Variants in TRPC6 observed in about 807,000 individuals in gnomAD.
The protein encoded by TRPC6 is transient receptor potential cation channel subfamily C member 6.
A neutral mutation model predicts 90.7 loss-of-function variants in TRPC6; 55 were observed. That is an observed-to-expected ratio of 0.61 (90% CI 0.49 to 0.76). TRPC6 has a LOEUF of 0.76. TRPC6 is among the 30% of genes least tolerant of loss of function. TRPC6 has a pLI of 0.00. For missense variants in TRPC6, 989 were observed against 1,122.7 expected (o/e 0.88, Z 1.70); for synonymous variants, 393 against 393.0 (o/e 1.00, Z 0.00).
chr11:101,562,673 T>C (rs1861741491), intron 1 of TRPC6, among the ~76,000 whole-genome samples: 1 of 152,184 alleles, frequency 6.6e-6, no homozygotes, highest in African/African-American at 2.4e-5. Flanking sequence ...AAAGTGCCTT[T>C]GTCCTTCTTT....
At chr11:101,565,393 G>A (rs1320489709) in intron 1 of TRPC6, among the ~76,000 whole-genome samples, 1 of 151,904 alleles carries the variant, frequency 6.6e-6, no homozygotes, top group African/African-American at 2.4e-5. Context: ...ATTTTAAAAA[G>A]GACAAATTTC....
Position 101,583,861 on chromosome 11 carries a change from C to A in TRPC6, c.-358G>T. The A allele has an allele frequency of 4.3e-6, 1 of 232,542 alleles. No individual in the cohort carries two copies. Among genetic ancestry groups the A allele is most frequent in the Non-Finnish European group, 8.3e-6 (1 of 120,944 alleles). 14.4% of individuals were successfully genotyped at this position (232,542 alleles called of 1,614,324 possible). On this transcript the variant is annotated 5_prime_UTR_variant, in exon 1 of 13. Coordinates refer to ENST00000344327, the MANE Select transcript of TRPC6 (RefSeq NM_004621.6). Reference sequence around the variant, plus strand: ...CAAGGGAGACGGAGCTGAAGAGTTACTATGTCAACAGAGACTCTCCAGCCC... The same window carrying A: ...CAAGGGAGACGGAGCTGAAGAGTTAATATGTCAACAGAGACTCTCCAGCCC...
chr11:101,508,730 C>G (rs1287695587), intron 1 of TRPC6, among the ~76,000 whole-genome samples: 2 of 151,976 alleles, frequency 1.3e-5, no homozygotes, highest in African/African-American at 4.8e-5. Context: ...AAAATAGGAT[C>G]AGGGATCTAT....
intron 1 of TRPC6, among the ~76,000 whole-genome samples, chr11:101,572,851 C>T (rs796094211): frequency 9.2e-5 from 14 of 152,056 alleles, no homozygotes; most frequent in African/African-American, 2.9e-4. Context: ...CACACTGGGG[C>T]CTTTCAGGGG....
chr11:101,562,198 G>A (rs1830453177), intron 1 of TRPC6, among the ~76,000 whole-genome samples: 1 of 152,060 alleles, frequency 6.6e-6, no homozygotes, highest in Non-Finnish European at 1.5e-5. Context: ...AAATGGAAGA[G>A]AAAGAGACAT....
rs188277635 is a variant in TRPC6, at chr11:101,475,872, A to C, written c.1744+429T>G. 9.2e-5 allele frequency among the ~76,000 whole-genome samples: 14 copies of C among 151,458 alleles called. 1 individual carries two copies. The highest frequency in any genetic ancestry group is 6.6e-4 in the Admixed American group (10 of 15,216). On this transcript the variant is annotated intron_variant, in intron 6 of 12. Transcript: ENST00000344327. Reference sequence around the variant, plus strand: ...TATATACACACACACACATGTGTGTACATATACATATATACACGTGTGTGC... The same window carrying C: ...TATATACACACACACACATGTGTGTCCATATACATATATACACGTGTGTGC...
chr11:101,570,362 G>A (rs1261900067), intron 1 of TRPC6, among the ~76,000 whole-genome samples: 1 of 152,146 alleles, frequency 6.6e-6, no homozygotes, highest in Admixed American at 6.5e-5. Context: ...AACAAGTTCT[G>A]AAAATAAGGA....
intron 4 of TRPC6, among the ~76,000 whole-genome samples, chr11:101,484,960 CATCT>C (rs538409192): frequency 6.5e-4 from 99 of 152,116 alleles, no homozygotes; most frequent in Non-Finnish European, 1.0e-3. Context: ...TCATCTCAAA[CATCT>C]ATCATTTCTT....
In TRPC6 at chr11:101,504,186, T is replaced by C; in HGVS notation, c.783A>G (p.Lys261=). ...AGTGGCTAAACGAGTCATGCTTCTGTTTCTGGTTGCAGTCATTGCACTTGC... is the reference window on the plus strand; with the variant it reads ...AGTGGCTAAACGAGTCATGCTTCTGCTTCTGGTTGCAGTCATTGCACTTGC... ...YFCKCNDCNQ[K]QKHDSFSHSR... is the part of the protein sequence containing the mutation. The change falls in exon 2 of 13, where the codon AAA becomes AAG. Residue 261 remains lysine, a synonymous_variant. Transcript: ENST00000344327. The C allele has an allele frequency of 6.2e-7, 1 of 1,614,132 alleles. No homozygotes were observed. Among genetic ancestry groups the C allele is most frequent in the Non-Finnish European group, 8.5e-7 (1 of 1,179,976 alleles).
chr11:101,522,229 T>C (rs1860678931), intron 1 of TRPC6, among the ~76,000 whole-genome samples: 2 of 152,142 alleles, frequency 1.3e-5, no homozygotes, highest in Admixed American at 6.5e-5. Flanking sequence ...CAAATATGGG[T>C]ATGGATATTC....
chr11:101,515,302 CGTTT>C (rs1453629730), intron 1 of TRPC6, among the ~76,000 whole-genome samples: 2 of 152,180 alleles, frequency 1.3e-5, no homozygotes, highest in East Asian at 1.9e-4. Flanking sequence ...TTTTTTTGTT[CGTTT>C]GTTTTTTCCC....
At chr11:101,484,267 A>G (rs1859620035) in intron 4 of TRPC6, among the ~76,000 whole-genome samples, 1 of 152,170 alleles carries the variant, frequency 6.6e-6, no homozygotes, top group African/African-American at 2.4e-5. Context: ...CATATCTCAT[A>G]AGTGGTAGAG....
chr11:101,483,224 C>T (rs888287984), intron 4 of TRPC6, 59 bp from the exon 5 acceptor site: 1 of 1,516,944 alleles, frequency 6.6e-7, no homozygotes, highest in Non-Finnish European at 9.1e-7. Flanking sequence ...TTGCAAAACA[C>T]ACATACATAC....
chr11:101,550,131 T>G (rs1861418483), intron 1 of TRPC6, among the ~76,000 whole-genome samples: 1 of 151,596 alleles, frequency 6.6e-6, no homozygotes, highest in Admixed American at 6.6e-5. Flanking sequence ...TCTAAATTTT[T>G]TTAAGATGTT....
intron 1 of TRPC6, among the ~76,000 whole-genome samples, chr11:101,576,587 T>C (rs1368669852): frequency 1.3e-5 from 2 of 152,190 alleles, no homozygotes; most frequent in African/African-American, 2.4e-5. Flanking sequence ...TCTGCATGTA[T>C]TGAAAGCCAT....
At chr11:101,472,838 G>A (rs1859323937) in intron 7 of TRPC6, among the ~76,000 whole-genome samples, 4 of 152,100 alleles carry the variant, frequency 2.6e-5, no homozygotes, top group Admixed American at 2.6e-4. Flanking sequence ...GCTTAACTCA[G>A]GTGGTTTCAC....
At chr11:101,508,828 G>A (rs766155039) in intron 1 of TRPC6, among the ~76,000 whole-genome samples, 6 of 151,952 alleles carry the variant, frequency 3.9e-5, no homozygotes, top group Admixed American at 2.0e-4. Flanking sequence ...ACACAAAATA[G>A]TAACATATCA....
chr11:101,563,347 C>T (rs183003262), intron 1 of TRPC6, among the ~76,000 whole-genome samples: 2 of 152,212 alleles, frequency 1.3e-5, no homozygotes, highest in East Asian at 1.9e-4. Flanking sequence ...TTACTCTGGA[C>T]CAGAAGCTGC....
chr11:101,461,770 G>T (rs1859010179), intron 10 of TRPC6, among the ~76,000 whole-genome samples: 1 of 152,080 alleles, frequency 6.6e-6, no homozygotes, highest in Admixed American at 6.6e-5. Flanking sequence ...GTTAAACTAA[G>T]ACATGGGCTC....
Sources: gnomAD v4.1 joint callset for allele counts (sites outside exome capture counted in the v4.1 genomes callset) on GRCh38, gnomAD v4.1.1 for gene constraint, MANE v1.5 for transcripts, NCBI Gene and HGNC (gene_info 2026-07-23, HGNC 2026-07-21) for gene names.